RASIP1: variants seen among roughly 807,000 people sequenced by gnomAD.
RASIP1 encodes ras-interacting protein 1.
Under a neutral mutation model 85.3 loss-of-function variants are expected in RASIP1, and 20 were observed. The ratio of observed to expected loss-of-function variants is 0.23; its 90% confidence interval spans 0.17 to 0.34. RASIP1 has a LOEUF of 0.34. RASIP1 is among the 10% of genes least tolerant of loss of function. RASIP1 has a pLI of 1.00. For synonymous variants in RASIP1, 617 were observed against 647.1 expected, an observed-to-expected ratio of 0.95 and a Z score of 0.71; for missense variants, 1,170 against 1,390.9, an observed-to-expected ratio of 0.84 and a Z score of 2.53.
At position 48,735,259 on chromosome 19, in the gene RASIP1, G is replaced by A; in HGVS notation, c.1116C>T (p.Cys372=). ...GGCGGTTGCTGGGGGCCTGGATGAG[G>A]CACTGAGTCAACTGATCGAAGTCCC... ...DPGDFDQLTQ[C]LIQAPSNRPY... The change falls in exon 4 of 12, where the codon TGC becomes TGT. Residue 372 remains cysteine, a synonymous_variant. Transcript: ENST00000222145. The A allele has an allele frequency of 1.2e-6, 2 of 1,614,046 alleles. No homozygotes were observed. Among genetic ancestry groups the A allele is most frequent in the East Asian group, 4.5e-5 (2 of 44,882 alleles).
chr19:48,720,939 C>G lies in RASIP1; in HGVS notation c.2751G>C (p.Ser917=). 1 of 1,613,230 alleles carries G rather than the reference C, an allele frequency of 6.2e-7. No homozygotes were observed. The highest frequency in any genetic ancestry group is 1.1e-5 in the South Asian group (1 of 91,072). Residue 917 remains serine, a synonymous_variant, in exon 12 of 12, where the codon TCG becomes TCC. Transcript: ENST00000222145. ...HPPLILPLGS[S]RLRLTGPVTD... ...TCACTGGACCAGTGAGGCGCAGGCG[C>G]GAGCTCCCCAGGGGGAGGATGAGGG...
At chr19:48,726,066 G>A (rs479486) in intron 8 of RASIP1, among the ~76,000 whole-genome samples, 76,287 of 151,528 alleles carry the variant, frequency 0.5, 20,393 homozygotes, top group Middle Eastern at 0.64. Context: ...AGCTGGGATT[G>A]CAGGCACGCG....
intron 5 of RASIP1, 52 bp downstream of exon 5, chr19:48,728,885 A>C: frequency 7.2e-7 from 1 of 1,395,620 alleles, no homozygotes; most frequent in Non-Finnish European, 9.3e-7. Flanking sequence ...GGGAGGCTGG[A>C]GAAGGGACTT....
In RASIP1 at chr19:48,724,719, C is replaced by T. The variant is rs764492529; in HGVS notation, c.2369G>A (p.Arg790Gln). 3.7e-6 allele frequency: 6 copies of T among 1,614,012 alleles called. No homozygotes were observed. Among genetic ancestry groups the T allele is most frequent in the Admixed American group, 1.7e-5 (1 of 59,996 alleles). ...NASLLNSLME[R>Q]GQGRPFYQWS... ...GACAGCTCCCAGCCAACCTTCACCT[C>T]GTTCCATCAGCGAGTTGAGAAGGGA... Residue 790 changes from arginine (R) to glutamine (Q), a missense_variant and splice_region_variant, in exon 9 of 12, where the codon CGA becomes CAA. By Grantham distance (43) the Arg-to-Gln change is conservative (BLOSUM62 1). Around this residue, in one of 4 missense-constraint regions of RASIP1, gnomAD observed 426 missense variants for 576.2 expected, o/e 0.74. Transcript: ENST00000222145. This position sits in a 1 kb window ranked among gnomAD's most constrained non-coding sequence, Gnocchi z 4.6.
chr19:48,735,178 G>A lies in RASIP1; in HGVS notation c.1179+18C>T. On this transcript the variant is annotated intron_variant, in intron 4 of 11. Transcript: ENST00000222145. ...GGGGTATAGGGCTCTGGGCGTGCGGGGCTGGGGCGGCGGTTACCTGGGCGT... is the reference window on the plus strand; with the variant it reads ...GGGGTATAGGGCTCTGGGCGTGCGGAGCTGGGGCGGCGGTTACCTGGGCGT... 6.3e-7 allele frequency: 1 copy of A among 1,592,194 alleles called. No homozygotes were observed.
At chr19:48,727,743 A>G (rs1256969304) in intron 5 of RASIP1, among the ~76,000 whole-genome samples, 1 of 148,302 alleles carries the variant, frequency 6.7e-6, no homozygotes, top group African/African-American at 2.5e-5. Flanking sequence ...CTGGGGTGCA[A>G]TGGCTCAATT....
chr19:48,735,456 C>T lies in RASIP1; in HGVS notation c.919G>A (p.Gly307Arg). 6.3e-7 allele frequency: 1 copy of T among 1,591,112 alleles called. No homozygotes were observed. Among genetic ancestry groups the T allele is most frequent in the Non-Finnish European group, 8.6e-7 (1 of 1,169,296 alleles). ...TTGCCTCCAGACCCAGCTGGGGCCC[C>T]TGATCCGGTCCCCGGGCCAGGACTG... Reference protein sequence around the residue: ...LASPGPGTGSGAPAGSGGKER... With the variant: ...LASPGPGTGSRAPAGSGGKER... The change falls in exon 4 of 12, where the codon GGG becomes AGG. Residue 307 changes from glycine to arginine, a missense_variant. By Grantham distance (125) the Gly-to-Arg change is moderately radical. Around this residue, in one of 4 missense-constraint regions of RASIP1, gnomAD observed 301 missense variants for 294.8 expected, o/e 1.02. Transcript: ENST00000222145.
At position 48,721,014 on chromosome 19, in the gene RASIP1, G is replaced by A. The variant is rs368210824; in HGVS notation, c.2693-17C>T. 2 of 1,569,492 alleles carry A rather than the reference G, an allele frequency of 1.3e-6. No individual in the cohort carries two copies. The highest frequency in any genetic ancestry group is 2.3e-5 in the East Asian group (1 of 43,862). ...AGATGTCCCCTGTGAGGCCGAAGGC[G>A]GCGCGGTTAGAGTCTGAAAGTGGGA... On this transcript the variant is annotated splice_polypyrimidine_tract_variant and intron_variant, in intron 11 of 11. Transcript: ENST00000222145.
At chr19:48,728,248 G>A (rs571011448) in intron 5 of RASIP1, among the ~76,000 whole-genome samples, 23 of 152,240 alleles carry the variant, frequency 1.5e-4, no homozygotes, top group Non-Finnish European at 2.6e-4. Flanking sequence ...GAATGAACTC[G>A]CTCACTGCTA....
chr19:48,725,189 A>T, intron 8 of RASIP1: 2 of 515,066 alleles, frequency 3.9e-6, no homozygotes, highest in Admixed American at 7.2e-5. Flanking sequence ...TGGGACTTGT[A>T]GTTCTCAGCA....
chr19:48,727,147 C>G lies in RASIP1; in HGVS notation c.1883G>C (p.Gly628Ala), dbSNP rs897284418. 6.2e-7 allele frequency: 1 copy of G among 1,613,798 alleles called. No homozygotes were observed. The highest frequency in any genetic ancestry group is 1.3e-5 in the African/African-American group (1 of 74,928). ...GDRQPENHPEGVPEVPLTPEA... is the reference protein window; with the variant it reads ...GDRQPENHPEAVPEVPLTPEA... The stretch of plus-strand genomic sequence containing the variant: ...AGGAGTCAGGGGCACCTCGGGGACC[C>G]CCTCAGGGTGGCTTGAAAAAGAGGA... The change falls in exon 7 of 12, where the codon GGG becomes GCG. Residue 628 changes from glycine to alanine, a missense_variant. Coordinates refer to ENST00000222145, the MANE Select transcript of RASIP1 (RefSeq NM_017805.3).
chr19:48,738,871 G>T lies in RASIP1; in HGVS notation c.823+89C>A. 1.1e-6 allele frequency: 1 copy of T among 921,632 alleles called. No individual in the cohort carries two copies. Among genetic ancestry groups the T allele is most frequent in the Non-Finnish European group, 1.3e-6 (1 of 768,454 alleles). The allele number at this position is 921,632 out of a possible 1,614,324, so 57.1% of individuals were successfully genotyped here. A position where few individuals can be genotyped will look rare whatever the true frequency, so the allele number is the denominator to read the frequency against. On this transcript the variant is annotated intron_variant, in intron 3 of 11. Coordinates refer to ENST00000222145, the MANE Select transcript of RASIP1 (RefSeq NM_017805.3). This position sits in a 1 kb window ranked among gnomAD's most constrained non-coding sequence, Gnocchi z 4.0. ...CGGGCCCCGCCCCCAGCCAGCCCGCGAGTCCCACAAGCCCCGCCCAGGCCC... is the reference window on the plus strand; with the variant it reads ...CGGGCCCCGCCCCCAGCCAGCCCGCTAGTCCCACAAGCCCCGCCCAGGCCC...
At chr19:48,721,119 G>C in intron 11 of RASIP1, 122 bp from the exon 12 acceptor site, 1 of 865,216 alleles carries the variant, frequency 1.2e-6, no homozygotes, top group South Asian at 1.9e-5. Flanking sequence ...AGCAACTCCT[G>C]GGGCGGGGTC....
At position 48,720,968 on chromosome 19, in the gene RASIP1, G is replaced by GGT; in HGVS notation, c.2720_2721dup (p.Pro908ThrfsTer19). On this transcript the variant is annotated frameshift_variant, in exon 12 of 12. Transcript: ENST00000222145. LOFTEE classifies it high-confidence loss of function. ...CTCCCCAGGGGGAGGATGAGGGGCGGGTGCGAGGAGAAGCTTTCGAAGATG... is the reference window on the plus strand; with the variant it reads ...CTCCCCAGGGGGAGGATGAGGGGCGGGTGTGCGAGGAGAAGCTTTCGAAGATG... 6.2e-7 allele frequency: 1 copy of GGT among 1,609,290 alleles called. No homozygotes were observed. The highest frequency in any genetic ancestry group is 8.5e-7 in the Non-Finnish European group (1 of 1,177,956).
chr19:48,734,905 C>T (rs868613546), intron 4 of RASIP1, among the ~76,000 whole-genome samples: 4 of 152,294 alleles, frequency 2.6e-5, no homozygotes, highest in Middle Eastern at 3.4e-3. Context: ...GTCAGCCGCA[C>T]GCCTGGCGGG....
chr19:48,735,277 G>T lies in RASIP1; in HGVS notation c.1098C>A (p.Phe366Leu). Residue 366 changes from phenylalanine (F) to leucine (L), a missense_variant, in exon 4 of 12, where the codon TTC (phenylalanine) becomes TTA (leucine). Phe to Leu is a conservative substitution (Grantham distance 22, BLOSUM62 0). Transcript: ENST00000222145. ...GGATGAGGCACTGAGTCAACTGATC[G>T]AAGTCCCCGGGGTCTGCAGTTCCGA... ...AQIGTADPGDFDQLTQCLIQA... is the reference protein window; with the variant it reads ...AQIGTADPGDLDQLTQCLIQA... The T allele has an allele frequency of 1.2e-6, 2 of 1,614,084 alleles. No homozygotes were observed. The highest frequency in any genetic ancestry group is 1.7e-4 in the Middle Eastern group (1 of 6,042).
Position 48,739,742 on chromosome 19 carries a change from C to G in RASIP1, c.138-97G>C. ...ATATTAGGAGGGAAGTGGGCAGAGA[C>G]CCAGAGGGAGGACAGGGACCCAGGG... On this transcript the variant is annotated intron_variant, in intron 2 of 11. Transcript: ENST00000222145. This position sits in a 1 kb window ranked among gnomAD's most constrained non-coding sequence, Gnocchi z 9.2. 7.6e-7 allele frequency: 1 copy of G among 1,309,298 alleles called. No individual in the cohort carries two copies. 81.1% of individuals were successfully genotyped at this position (1,309,298 alleles called of 1,614,324 possible).
At position 48,729,075 on chromosome 19, in the gene RASIP1, G is replaced by C. The variant is rs765363030; in HGVS notation, c.1695C>G (p.Ala565=). The part of the protein sequence containing the change: ...LLGEIVRAAA[A]GSGDLPPLGP... ...CGAGGGGCGGCAGGTCTCCCGAGCC[G>C]GCGGCTGCGGCGCGCACGATCTCGC... Residue 565 remains alanine (A), a synonymous_variant, in exon 5 of 12, where the codon GCC becomes GCG. Transcript: ENST00000222145. The C allele has an allele frequency of 1.5e-6, 2 of 1,377,834 alleles. No homozygotes were observed. The highest frequency in any genetic ancestry group is 1.9e-6 in the Non-Finnish European group (2 of 1,075,208). 85.4% of individuals were successfully genotyped at this position (1,377,834 alleles called of 1,614,324 possible). A position where few individuals can be genotyped will look rare whatever the true frequency, so the allele number is the denominator to read the frequency against.
At position 48,738,881 on chromosome 19, in the gene RASIP1, AG is replaced by A; in HGVS notation, c.823+78del. The A allele has an allele frequency of 1.8e-6, 2 of 1,106,324 alleles. No individual in the cohort carries two copies. The highest frequency in any genetic ancestry group is 2.2e-6 in the Non-Finnish European group (2 of 895,998). The allele number at this position is 1,106,324 out of a possible 1,614,324, so 68.5% of individuals were successfully genotyped here. On this transcript the variant is annotated intron_variant, in intron 3 of 11. Transcript: ENST00000222145. This position sits in a 1 kb window ranked among gnomAD's most constrained non-coding sequence, Gnocchi z 4.0. ...CCCCAGCCAGCCCGCGAGTCCCACA[AG>A]CCCCGCCCAGGCCCCGCCCCACGGA...
Sources: allele counts gnomAD v4.1 joint callset (sites outside exome capture counted in the v4.1 genomes callset), GRCh38; gene constraint gnomAD v4.1.1; regional missense constraint gnomAD v4.1.1; non-coding constraint Gnocchi (gnomAD v3.1); transcripts MANE v1.5; gene names NCBI Gene and HGNC (gene_info 2026-07-23, HGNC 2026-07-21).